MAGI3: variants seen among roughly 807,000 people sequenced by gnomAD.
MAGI3 encodes membrane-associated guanylate kinase, WW and PDZ domain-containing protein 3.
In MAGI3, 43 loss-of-function variants were observed where a neutral mutation model predicts 121.8. That is an observed-to-expected ratio of 0.35 (90% CI 0.28 to 0.46). MAGI3 has a LOEUF of 0.46. MAGI3 is among the 20% of genes least tolerant of loss of function. MAGI3 has a pLI of 1.00. For missense variants in MAGI3, 1,547 were observed against 1,797.3 expected (o/e 0.86, Z 2.52); for synonymous variants, 553 against 639.3 (o/e 0.86, Z 2.04).
chr1:113,600,066 A>G (rs1316163570), intron 6 of MAGI3, among the ~76,000 whole-genome samples: 4 of 152,188 alleles, frequency 2.6e-5, no homozygotes, highest in South Asian at 2.1e-4. Context: ...TTGATGGGAC[A>G]TATCTCAAAA....
chr1:113,643,119 G>A (rs1652643118), intron 10 of MAGI3, among the ~76,000 whole-genome samples: 1 of 152,174 alleles, frequency 6.6e-6, no homozygotes, highest in South Asian at 2.1e-4. Context: ...CAGCTGACAT[G>A]AACTCCTCCC....
intron 9 of MAGI3, among the ~76,000 whole-genome samples, chr1:113,633,330 A>C (rs1392954990): frequency 2.6e-5 from 3 of 115,920 alleles, no homozygotes; most frequent in South Asian, 3.0e-4. Context: ...GGCGGGATCT[A>C]GGGTTACTGC....
chr1:113,537,011 A>G (rs1224039890), intron 1 of MAGI3, among the ~76,000 whole-genome samples: 3 of 152,106 alleles, frequency 2.0e-5, no homozygotes, highest in Non-Finnish European at 4.4e-5. Context: ...ATGCCAGTCT[A>G]ATTTTCTTAC....
intron 1 of MAGI3, among the ~76,000 whole-genome samples, chr1:113,509,172 C>T (rs989036302): frequency 6.6e-6 from 1 of 151,772 alleles, no homozygotes; most frequent in Non-Finnish European, 1.5e-5. Context: ...TTTTTCCCAG[C>T]CCAAATAACA....
chr1:113,546,309 G>A (rs1377605900), intron 1 of MAGI3, among the ~76,000 whole-genome samples: 5 of 151,998 alleles, frequency 3.3e-5, no homozygotes, highest in Admixed American at 2.0e-4. Context: ...TTGAATACTT[G>A]CAGATGTTTA....
chr1:113,610,945 A>T (rs1400006358), intron 6 of MAGI3, among the ~76,000 whole-genome samples: 4 of 152,068 alleles, frequency 2.6e-5, no homozygotes, highest in African/African-American at 9.7e-5. Context: ...AAAAAAATAA[A>T]AAATAAAAAC....
At chr1:113,397,343 G>A (rs547641666) in intron 1 of MAGI3, among the ~76,000 whole-genome samples, 1 of 152,106 alleles carries the variant, frequency 6.6e-6, no homozygotes, top group East Asian at 1.9e-4. Flanking sequence ...ATCTGCCCTT[G>A]TTTTCTGACT....
intron 1 of MAGI3, among the ~76,000 whole-genome samples, chr1:113,513,973 C>T (rs1657754194): frequency 6.6e-6 from 1 of 151,954 alleles, no homozygotes. Context: ...AGGACATGAA[C>T]AGACACTTCT....
At chr1:113,456,099 C>T (rs570533309) in intron 1 of MAGI3, among the ~76,000 whole-genome samples, 45 of 150,528 alleles carry the variant, frequency 3.0e-4, no homozygotes, top group African/African-American at 1.0e-3. Flanking sequence ...TACAGGCGCC[C>T]GCCACCACGC....
rs1313552037 is a variant in MAGI3, at chr1:113,511,368, A to G, written c.317-38147A>G. On this transcript the variant is annotated intron_variant, in intron 1 of 20. Transcript: ENST00000307546. ...CCAAGAGAGTTATCTATACTAACAC[A>G]AGTTAGGAAAGAATGAAAAGATGGT... Among the ~76,000 whole-genome samples, 3 of 152,234 alleles carry G rather than the reference A, an allele frequency of 2.0e-5. No homozygotes were observed. In the East Asian group the frequency reaches 5.8e-4, roughly 29 times the overall value.
At chr1:113,539,542 A>G (rs1659173962) in intron 1 of MAGI3, among the ~76,000 whole-genome samples, 1 of 151,638 alleles carries the variant, frequency 6.6e-6, no homozygotes, top group African/African-American at 2.4e-5. Context: ...TTTTTAATTA[A>G]TTAATTTATT....
chr1:113,584,850 A>T (rs1238982723), intron 3 of MAGI3, among the ~76,000 whole-genome samples: 1 of 152,106 alleles, frequency 6.6e-6, no homozygotes, highest in Admixed American at 6.6e-5. Context: ...AAGATATTAG[A>T]TAATATATGT....
chr1:113,420,193 ATTG>A (rs1188109926), intron 1 of MAGI3, among the ~76,000 whole-genome samples: 2 of 152,192 alleles, frequency 1.3e-5, no homozygotes, highest in Non-Finnish European at 2.9e-5. Flanking sequence ...TCTTCCCAGA[ATTG>A]TTGTAGATAG....
chr1:113,459,855 G>A (rs1220766881), intron 1 of MAGI3, among the ~76,000 whole-genome samples: 2 of 152,102 alleles, frequency 1.3e-5, no homozygotes, highest in African/African-American at 4.8e-5. Flanking sequence ...ACAAGAGCTG[G>A]CACCATTCCT....
chr1:113,641,342 C>CAGGA (rs1330802721), intron 9 of MAGI3, among the ~76,000 whole-genome samples: 1 of 150,322 alleles, frequency 6.7e-6, no homozygotes, highest in African/African-American at 2.4e-5. Context: ...ACCAACTTAG[C>CAGGA]AGGATTCCTG....
chr1:113,683,190 C>G lies in MAGI3; in HGVS notation c.3622C>G (p.Leu1208Val), dbSNP rs1217506515. The change falls in exon 21 of 21, where the codon CTA (leucine) becomes GTA (valine). Residue 1208 changes from leucine (L) to valine (V), a missense_variant. Transcript: ENST00000307546. ...SSHGHSNKKN[L>V]LKVENGVTRR... Reference sequence around the variant, plus strand: ...TCATGGGCACAGTAACAAGAAAAATCTATTAAAAGTAGAAAATGGTGTTAC... The same window carrying G: ...TCATGGGCACAGTAACAAGAAAAATGTATTAAAAGTAGAAAATGGTGTTAC... 6.2e-7 allele frequency: 1 copy of G among 1,613,884 alleles called. No homozygotes were observed.
intron 12 of MAGI3, 47 bp downstream of exon 12, chr1:113,646,689 T>C: frequency 1.4e-6 from 2 of 1,416,232 alleles, no homozygotes; most frequent in Non-Finnish European, 1.9e-6. Context: ...CAAGATAAAT[T>C]TGGATTTATT....
chr1:113,611,596 C>A (rs186788039), intron 6 of MAGI3, among the ~76,000 whole-genome samples: 1 of 152,096 alleles, frequency 6.6e-6, no homozygotes, highest in Non-Finnish European at 1.5e-5. Context: ...CTTATGCAGT[C>A]TATTAGTGTT....
intron 16 of MAGI3, among the ~76,000 whole-genome samples, chr1:113,668,569 C>CTTTTTTTTTTTT (rs370302032): frequency 1.1e-5 from 1 of 94,850 alleles, no homozygotes; most frequent in South Asian, 4.4e-4. Context: ...AAACATGTAA[C>CTTTTTTTTTTTT]TTTTTTTTTT....
Sources: allele counts gnomAD v4.1 joint callset (sites outside exome capture counted in the v4.1 genomes callset), GRCh38; gene constraint gnomAD v4.1.1; transcripts MANE v1.5; gene names NCBI Gene and HGNC (gene_info 2026-07-23, HGNC 2026-07-21).